The following TUSC1 variants were observed in gnomAD, a reference collection of about 807,000 sequenced individuals.
The protein encoded by TUSC1 is tumor suppressor candidate 1.
Under a neutral mutation model 5.2 loss-of-function variants are expected in TUSC1, and 8 were observed. The observed-to-expected ratio is 1.54, with a 90% CI of 0.90 to 2.77. The LOEUF (loss-of-function observed/expected upper bound fraction) is 2.77, where lower values mean the gene tolerates loss of function less well. Ranked by LOEUF, TUSC1 falls within the 30% of genes most tolerant of loss-of-function variation. The pLI is 0.00. For missense variants in TUSC1, 442 were observed against 324.2 expected, an observed-to-expected ratio of 1.36 and a Z score of -2.79; for synonymous variants, 192 against 144.2, an observed-to-expected ratio of 1.33 and a Z score of -2.37.
In TUSC1 at chr9:25,677,968, G is replaced by T. The variant is rs370204672; in HGVS notation, c.345C>A (p.Pro115=). The T allele has an allele frequency of 5.9e-5, 92 of 1,550,390 alleles. 1 individual carries two copies. The highest frequency in any genetic ancestry group is 7.3e-5 in the Non-Finnish European group (84 of 1,153,316). ...CGGGCGTCCCGTTGCCGCCTTCGCC[G>T]GGGAGCCGCAAAGCCTGACGGAAGA... ...RSLFRQALRL[P]GEGGNGTPAE... is the part of the protein sequence containing the mutation. Residue 115 remains proline, a synonymous_variant, in exon 1 of 1, where the codon CCC becomes CCA. Transcript: ENST00000358022.
rs571428995 is a variant in TUSC1 at position 25,677,119 on chromosome 9, T to A, written c.*564A>T. The stretch of plus-strand genomic sequence containing the variant: ...GGCATGAGTTCCTAGGTTATAAATA[T>A]CATCTTTATAAAAAGTGGGTATTTT... On this transcript the variant is annotated 3_prime_UTR_variant, in exon 1 of 1. Coordinates refer to ENST00000358022, the MANE Select transcript of TUSC1 (RefSeq NM_001004125.3). 4 of 152,552 alleles carry A rather than the reference T, an allele frequency of 2.6e-5. No homozygotes were observed. Among genetic ancestry groups the A allele is most frequent in the Non-Finnish European group, 5.9e-5 (4 of 68,346 alleles). 9.4% of individuals were successfully genotyped at this position (152,552 alleles called of 1,614,324 possible).
In TUSC1 at chr9:25,677,777, G is replaced by A. The variant is rs748459777; in HGVS notation, c.536C>T (p.Pro179Leu). The change falls in exon 1 of 1, where the codon CCA becomes CTA. Residue 179 changes from proline (P) to leucine (L), a missense_variant. Physicochemically the swap from Pro to Leu is moderately conservative, Grantham distance 98. Transcript: ENST00000358022. ...LLQLHLEQRG[P>L]RPSGDKEEQP... ...CTCCTCCTTGTCCCCGCTCGGACGT[G>A]GTCCCCGCTGCTCGAGGTGCAGCTG... The A allele has an allele frequency of 3.3e-5, 52 of 1,584,658 alleles. 1 individual carries two copies. In the Admixed American group the frequency reaches 8.1e-4, roughly 25 times the overall value.
Position 25,678,102 on chromosome 9 carries a change from C to A in TUSC1, c.211G>T (p.Glu71Ter), listed in dbSNP as rs748273753. ...CACTCGTCCCGCGCACGGATGGCCT[C>A]CAAGTGGCTCGCCGCCAGGTCGGCA... is the stretch of plus-strand genomic sequence containing the variant. ...RFADLAASHL[E>*]AIRARDEWDR... Residue 71 changes from glutamate (E) to a stop codon, truncating the protein, a stop_gained, in exon 1 of 1, where the codon GAG (glutamate) becomes TAG (stop). Transcript: ENST00000358022. LOFTEE classifies it high-confidence loss of function. 6.4e-7 allele frequency: 1 copy of A among 1,574,104 alleles called. No homozygotes were observed. Among genetic ancestry groups the A allele is most frequent in the Non-Finnish European group, 8.6e-7 (1 of 1,167,976 alleles).
At position 25,677,498 on chromosome 9, in the gene TUSC1, G is replaced by A. The variant is rs1819062191; in HGVS notation, c.*185C>T. On this transcript the variant is annotated 3_prime_UTR_variant, in exon 1 of 1. Transcript: ENST00000358022. ...GTCCTGAGGGCCCTTGCACCCACTC[G>A]ACCTCCACCAAGCGGATGGCCAAGC... 7 of 1,183,376 alleles carry A rather than the reference G, an allele frequency of 5.9e-6. No homozygotes were observed. Among genetic ancestry groups the A allele is most frequent in the South Asian group, 3.3e-5 (2 of 60,030 alleles). 73.3% of individuals were successfully genotyped at this position (1,183,376 alleles called of 1,614,324 possible).
chr9:25,677,435 A>T lies in TUSC1; in HGVS notation c.*248T>A. The T allele has an allele frequency of 1.7e-6, 1 of 575,964 alleles. No homozygotes were observed. Among genetic ancestry groups the T allele is most frequent in the South Asian group, 3.9e-5 (1 of 25,642 alleles). 35.7% of individuals were successfully genotyped at this position (575,964 alleles called of 1,614,324 possible). A position where few individuals can be genotyped will look rare whatever the true frequency, so the allele number is the denominator to read the frequency against. On this transcript the variant is annotated 3_prime_UTR_variant, in exon 1 of 1. Transcript: ENST00000358022. ...GGCTAGGCCTCTCTCCAGGGAAACT[A>T]GCCGGGGCAAGAGGCAGGGGAACTG...
Position 25,678,261 on chromosome 9 carries a change from C to A in TUSC1, c.52G>T (p.Asp18Tyr). ...GGCCCTCGGCCGTCCGCAGCACCGT[C>A]CCCGCCGCAGCAACTCCCGCGCCTA... ...ATRRGSCCGG[D>Y]GAADGRGPGR... Residue 18 changes from aspartate (D) to tyrosine (Y), a missense_variant, in exon 1 of 1, where the codon GAC becomes TAC. Transcript: ENST00000358022. The A allele has an allele frequency of 1.4e-6, 2 of 1,457,000 alleles. No homozygotes were observed. Among genetic ancestry groups the A allele is most frequent in the Non-Finnish European group, 1.8e-6 (2 of 1,107,096 alleles). The allele number at this position is 1,457,000 out of a possible 1,614,324, so 90.3% of individuals were successfully genotyped here.
Position 25,677,588 on chromosome 9 carries a change from G to A in TUSC1, c.*95C>T. ...CGTAGTCCAAGGTATCCGCGGGCAG[G>A]GAGCGGGCCAGGGCGTGCGCGAGGT... is the stretch of plus-strand genomic sequence containing the variant. On this transcript the variant is annotated 3_prime_UTR_variant, in exon 1 of 1. Coordinates refer to ENST00000358022, the MANE Select transcript of TUSC1 (RefSeq NM_001004125.3). 7.0e-7 allele frequency: 1 copy of A among 1,434,756 alleles called. No homozygotes were observed. Among genetic ancestry groups the A allele is most frequent in the Non-Finnish European group, 9.1e-7 (1 of 1,099,152 alleles). The allele number at this position is 1,434,756 out of a possible 1,614,324, so 88.9% of individuals were successfully genotyped here. A position where few individuals can be genotyped will look rare whatever the true frequency, so the allele number is the denominator to read the frequency against.
chr9:25,678,248 TC>T lies in TUSC1; in HGVS notation c.64del (p.Asp22ThrfsTer79). The T allele has an allele frequency of 7.0e-7, 1 of 1,419,490 alleles. No homozygotes were observed. The highest frequency in any genetic ancestry group is 3.2e-5 in the East Asian group (1 of 30,962). 87.9% of individuals were successfully genotyped at this position (1,419,490 alleles called of 1,614,324 possible). A position where few individuals can be genotyped will look rare whatever the true frequency, so the allele number is the denominator to read the frequency against. On this transcript the variant is annotated frameshift_variant, in exon 1 of 1. Transcript: ENST00000358022. LOFTEE classifies it high-confidence loss of function. Reference sequence around the variant, plus strand: ...GCCGGAGCGGCCTGGCCCTCGGCCGTCCGCAGCACCGTCCCCGCCGCAGCAA... The same window carrying T: ...GCCGGAGCGGCCTGGCCCTCGGCCGTCGCAGCACCGTCCCCGCCGCAGCAA... Reference protein sequence around the residue: ...GSCCGGDGAADGRGPGRSGRA... With the variant: ...GSCCGGDGAAXGRGPGRSGRA...
rs769960733 is a variant in TUSC1 at position 25,677,009 on chromosome 9, T to G, written c.*674A>C. The G allele has an allele frequency of 6.6e-6, 1 of 152,242 alleles. No homozygotes were observed. The highest frequency in any genetic ancestry group is 1.5e-5 in the Non-Finnish European group (1 of 68,040). 9.4% of individuals were successfully genotyped at this position (152,242 alleles called of 1,614,324 possible). A position where few individuals can be genotyped will look rare whatever the true frequency, so the allele number is the denominator to read the frequency against. ...CAGATTTATTTACCATTTCAAAAGATCACGATATAGGCAGATACCTTAAAA... is the reference window on the plus strand; with the variant it reads ...CAGATTTATTTACCATTTCAAAAGAGCACGATATAGGCAGATACCTTAAAA... On this transcript the variant is annotated 3_prime_UTR_variant, in exon 1 of 1. Coordinates refer to ENST00000358022, the MANE Select transcript of TUSC1 (RefSeq NM_001004125.3).
In TUSC1 at chr9:25,677,565, T is replaced by C. The variant is rs978877254; in HGVS notation, c.*118A>G. 5.6e-6 allele frequency: 8 copies of C among 1,431,788 alleles called. No individual in the cohort carries two copies. The highest frequency in any genetic ancestry group is 2.6e-4 in the Middle Eastern group (1 of 3,874). 88.7% of individuals were successfully genotyped at this position (1,431,788 alleles called of 1,614,324 possible). A position where few individuals can be genotyped will look rare whatever the true frequency, so the allele number is the denominator to read the frequency against. On this transcript the variant is annotated 3_prime_UTR_variant, in exon 1 of 1. Coordinates refer to ENST00000358022, the MANE Select transcript of TUSC1 (RefSeq NM_001004125.3). The stretch of plus-strand genomic sequence containing the variant: ...CACTGGTGGGGGCGGGAAGGCACCG[T>C]AGTCCAAGGTATCCGCGGGCAGGGA...
Position 25,678,289 on chromosome 9 carries a change from G to A in TUSC1, c.24C>T (p.Ala8=), listed in dbSNP as rs1819094820. The A allele has an allele frequency of 2.0e-6, 3 of 1,468,784 alleles. No individual in the cohort carries two copies. The highest frequency in any genetic ancestry group is 1.5e-5 in the African/African-American group (1 of 67,786). 91.0% of individuals were successfully genotyped at this position (1,468,784 alleles called of 1,614,324 possible). A position where few individuals can be genotyped will look rare whatever the true frequency, so the allele number is the denominator to read the frequency against. Residue 8 remains alanine (A), a synonymous_variant, in exon 1 of 1, where the codon GCC becomes GCT. Coordinates refer to ENST00000358022, the MANE Select transcript of TUSC1 (RefSeq NM_001004125.3). The part of the protein sequence containing the change: MWRMRGG[A]TRRGSCCGGD... ...CGCCGCAGCAACTCCCGCGCCTAGTGGCGCCACCACGCATGCGCCACATCG... is the reference window on the plus strand; with the variant it reads ...CGCCGCAGCAACTCCCGCGCCTAGTAGCGCCACCACGCATGCGCCACATCG...
rs756421625 is a variant in TUSC1 at position 25,677,667 on chromosome 9, C to CCGGCTGCGGCCT, written c.*4_*15dup. The stretch of plus-strand genomic sequence containing the variant: ...GGCCCGCTCGAGGCTCCGCCTCTCA[C>CCGGCTGCGGCCT]CGGCTGCGGCCTCGGCTACAGCCAG... On this transcript the variant is annotated 3_prime_UTR_variant, in exon 1 of 1. Transcript: ENST00000358022. The CCGGCTGCGGCCT allele has an allele frequency of 1.3e-4, 191 of 1,493,204 alleles. No individual in the cohort carries two copies. The highest frequency in any genetic ancestry group is 1.6e-4 in the Non-Finnish European group (177 of 1,122,146). The allele number at this position is 1,493,204 out of a possible 1,614,324, so 92.5% of individuals were successfully genotyped here.
In TUSC1 at chr9:25,677,903, C is replaced by G; in HGVS notation, c.410G>C (p.Arg137Pro). ...CTCTCGGCCGCTGTCTCTAGCCCTCCGGTTCGTGCTGGCCTCTTCAGGGAC... is the reference window on the plus strand; with the variant it reads ...CTCTCGGCCGCTGTCTCTAGCCCTCGGGTTCGTGCTGGCCTCTTCAGGGAC... The part of the protein sequence containing the change: ...RRVPEEASTN[R>P]RARDSGREDE... The change falls in exon 1 of 1, where the codon CGG becomes CCG. Residue 137 changes from arginine (R) to proline (P), a missense_variant. Coordinates refer to ENST00000358022, the MANE Select transcript of TUSC1 (RefSeq NM_001004125.3). 1 of 1,582,472 alleles carries G rather than the reference C, an allele frequency of 6.3e-7. No homozygotes were observed. The highest frequency in any genetic ancestry group is 8.6e-7 in the Non-Finnish European group (1 of 1,168,180).
Position 25,678,341 on chromosome 9 carries a change from CCGTGGGCTGAGGGGCCGCGCGGCCAGGCG to C in TUSC1, c.-58_-30del. ...TCCCATCCCAACCGCGCCGCCAGCC[CCGTGGGCTGAGGGGCCGCGCGGCCAGGCG>C]CGGGCAAGTTCGGGGCTGGCAGGGC... On this transcript the variant is annotated 5_prime_UTR_variant, in exon 1 of 1. Coordinates refer to ENST00000358022, the MANE Select transcript of TUSC1 (RefSeq NM_001004125.3). The C allele has an allele frequency of 6.5e-6, 9 of 1,386,516 alleles. No homozygotes were observed. The highest frequency in any genetic ancestry group is 6.4e-5 in the South Asian group (4 of 62,296). The allele number at this position is 1,386,516 out of a possible 1,614,324, so 85.9% of individuals were successfully genotyped here.
In TUSC1 at chr9:25,677,649, T is replaced by C. The variant is rs80023951; in HGVS notation, c.*34A>G. 1 of 1,466,094 alleles carries C rather than the reference T, an allele frequency of 6.8e-7. No homozygotes were observed. The highest frequency in any genetic ancestry group is 2.6e-5 in the Admixed American group (1 of 38,746). The allele number at this position is 1,466,094 out of a possible 1,614,324, so 90.8% of individuals were successfully genotyped here. A position where few individuals can be genotyped will look rare whatever the true frequency, so the allele number is the denominator to read the frequency against. Reference sequence around the variant, plus strand: ...TGGGAACGGAGGAGGAGGGGCCCGCTCGAGGCTCCGCCTCTCACCGGCTGC... The same window carrying C: ...TGGGAACGGAGGAGGAGGGGCCCGCCCGAGGCTCCGCCTCTCACCGGCTGC... On this transcript the variant is annotated 3_prime_UTR_variant, in exon 1 of 1. Transcript: ENST00000358022.
In TUSC1 at chr9:25,677,978, A is replaced by G; in HGVS notation, c.335T>C (p.Leu112Ser). The G allele has an allele frequency of 6.4e-7, 1 of 1,552,384 alleles. No homozygotes were observed. Among genetic ancestry groups the G allele is most frequent in the Non-Finnish European group, 8.7e-7 (1 of 1,154,508 alleles). ...RENRSLFRQALRLPGEGGNGT... is the reference protein window; with the variant it reads ...RENRSLFRQASRLPGEGGNGT... The stretch of plus-strand genomic sequence containing the variant: ...GTTGCCGCCTTCGCCGGGGAGCCGC[A>G]AAGCCTGACGGAAGAGGCTGCGGTT... The change falls in exon 1 of 1, where the codon TTG (leucine) becomes TCG (serine). Residue 112 changes from leucine (L) to serine (S), a missense_variant. By Grantham distance (145) the Leu-to-Ser change is moderately radical. Coordinates refer to ENST00000358022, the MANE Select transcript of TUSC1 (RefSeq NM_001004125.3).
In TUSC1 at chr9:25,678,253, A is replaced by C; in HGVS notation, c.60T>G (p.Ala20=). The C allele has an allele frequency of 6.9e-7, 1 of 1,445,220 alleles. No homozygotes were observed. The highest frequency in any genetic ancestry group is 9.1e-7 in the Non-Finnish European group (1 of 1,101,362). The allele number at this position is 1,445,220 out of a possible 1,614,324, so 89.5% of individuals were successfully genotyped here. The change falls in exon 1 of 1, where the codon GCT becomes GCG. Residue 20 remains alanine, a synonymous_variant. Transcript: ENST00000358022. ...RRGSCCGGDG[A]ADGRGPGRSG... ...AGCGGCCTGGCCCTCGGCCGTCCGC[A>C]GCACCGTCCCCGCCGCAGCAACTCC... is the stretch of plus-strand genomic sequence containing the variant.
In TUSC1 at chr9:25,677,868, C is replaced by T; in HGVS notation, c.445G>A (p.Gly149Ser). 1 of 1,594,186 alleles carries T rather than the reference C, an allele frequency of 6.3e-7. No homozygotes were observed. Among genetic ancestry groups the T allele is most frequent in the Non-Finnish European group, 8.5e-7 (1 of 1,173,570 alleles). ...ARDSGREDEP[G>S]SPRALRARLE... is the part of the protein sequence containing the mutation. ...CGGGCCCTCAGGGCCCTGGGGCTGC[C>T]CGGCTCGTCCTCTCGGCCGCTGTCT... The change falls in exon 1 of 1, where the codon GGC becomes AGC. Residue 149 changes from glycine (G) to serine (S), a missense_variant. Transcript: ENST00000358022.
chr9:25,678,062 G>A lies in TUSC1; in HGVS notation c.251C>T (p.Ala84Val), dbSNP rs768034453. 1.3e-6 allele frequency: 2 copies of A among 1,586,948 alleles called. No individual in the cohort carries two copies. The highest frequency in any genetic ancestry group is 2.3e-5 in the East Asian group (1 of 44,076). The change falls in exon 1 of 1, where the codon GCG becomes GTG. Residue 84 changes from alanine to valine, a missense_variant. Transcript: ENST00000358022. ...RARDEWDRQN[A>V]RLRQENARLR... ...CCGGGCGTTCTCCTGACGCAGCCGC[G>A]CGTTCTGCCGGTCCCACTCGTCCCG...
Sources: allele counts gnomAD v4.1 joint callset, GRCh38; gene constraint gnomAD v4.1.1; transcripts MANE v1.5; gene names NCBI Gene and HGNC (gene_info 2026-07-23, HGNC 2026-07-21).